Variants in SCUBE1 observed in about 807,000 individuals in gnomAD.
SCUBE1 encodes signal peptide, CUB domain and EGF like domain containing 1.
A neutral mutation model predicts 124.4 loss-of-function variants in SCUBE1; 59 were observed. That is an observed-to-expected ratio of 0.47 (90% CI 0.38 to 0.59). The LOEUF (loss-of-function observed/expected upper bound fraction) is 0.59, where lower values mean the gene tolerates loss of function less well. Among genes scored for constraint, SCUBE1 ranks in the 20% least tolerant of loss-of-function variants. SCUBE1 has a pLI of 0.00. For missense variants in SCUBE1, 1,150 were observed against 1,371.2 expected, an observed-to-expected ratio of 0.84 and a Z score of 2.55; for synonymous variants, 545 against 550.9, an observed-to-expected ratio of 0.99 and a Z score of 0.15.
chr22:43,335,105 C>T (rs550464091), intron 2 of SCUBE1, among the ~76,000 whole-genome samples: 1 of 152,248 alleles, frequency 6.6e-6, no homozygotes, highest in African/African-American at 2.4e-5. Context: ...CAGGAAAGAC[C>T]CTGCCCCCTC....
At chr22:43,299,030 C>T (rs1013306408) in intron 3 of SCUBE1, among the ~76,000 whole-genome samples, 10 of 143,876 alleles carry the variant, frequency 7.0e-5, no homozygotes, top group East Asian at 2.0e-4. Context: ...TGGCCTGGGG[C>T]GACACAGCGA....
chr22:43,281,509 T>TCAGCCACCCTCCTGTCATCTC (rs1924877144), intron 4 of SCUBE1, among the ~76,000 whole-genome samples: 1 of 50,308 alleles, frequency 2.0e-5, no homozygotes, highest in African/African-American at 1.3e-4. Context: ...TGTCACCTCC[T>TCAGCCACCCTCCTGTCATCTC]CCTCAGCCAC....
chr22:43,222,672 G>A lies in SCUBE1; in HGVS notation c.1398C>T (p.Asn466=), dbSNP rs901800463. 82 of 1,602,708 alleles carry A rather than the reference G, an allele frequency of 5.1e-5. No individual in the cohort carries two copies. Among genetic ancestry groups the A allele is most frequent in the Middle Eastern group, 1.7e-4 (1 of 6,038 alleles). The change falls in exon 12 of 22, where the codon AAC becomes AAT. Residue 466 remains asparagine, a synonymous_variant. Coordinates refer to ENST00000360835, the MANE Select transcript of SCUBE1 (RefSeq NM_173050.5). Reference sequence around the variant, plus strand: ...TGGGCCCGAGGCCAGAGCTGGTGCCGTTGCGTTTCTGCAGCGCCTTGCCCT... The same window carrying A: ...TGGGCCCGAGGCCAGAGCTGGTGCCATTGCGTTTCTGCAGCGCCTTGCCCT... ...GPQGKALQKR[N]GTSSGLGPSC...
At chr22:43,263,242 C>T (rs939957096) in intron 4 of SCUBE1, among the ~76,000 whole-genome samples, 14 of 152,108 alleles carry the variant, frequency 9.2e-5, no homozygotes, top group African/African-American at 1.9e-4. Flanking sequence ...ACCCCCCACC[C>T]GCCCAGCAGA....
intron 3 of SCUBE1, among the ~76,000 whole-genome samples, chr22:43,295,220 G>C (rs766460386): frequency 1.1e-4 from 16 of 152,142 alleles, no homozygotes; most frequent in Non-Finnish European, 2.1e-4. Flanking sequence ...AAAGCCCAGT[G>C]CTCAGCCTCC....
intron 4 of SCUBE1, among the ~76,000 whole-genome samples, chr22:43,280,259 A>G (rs1924711807): frequency 6.6e-6 from 1 of 152,056 alleles, no homozygotes; most frequent in Non-Finnish European, 1.5e-5. Flanking sequence ...CACCTTGTCC[A>G]GAGCCACCGA....
At chr22:43,294,178 C>T (rs969690668) in intron 3 of SCUBE1, among the ~76,000 whole-genome samples, 1 of 152,246 alleles carries the variant, frequency 6.6e-6, no homozygotes, top group African/African-American at 2.4e-5. Context: ...CCTTTTCCCA[C>T]TGCGGTCCAA....
chr22:43,222,093 A>G (rs1922114417), intron 12 of SCUBE1, among the ~76,000 whole-genome samples: 1 of 152,108 alleles, frequency 6.6e-6, no homozygotes, highest in Non-Finnish European at 1.5e-5. Context: ...ATAAAGAAAC[A>G]TACAGAAATG....
chr22:43,343,151 C>A (rs1012164597), intron 1 of SCUBE1, 23 bp downstream of exon 1: 39 of 1,136,482 alleles, frequency 3.4e-5, no homozygotes, highest in Middle Eastern at 3.7e-4. Context: ...GCCCGCCGCC[C>A]CCCACCTCGG....
chr22:43,218,178 G>T, intron 15 of SCUBE1, 77 bp downstream of exon 15: 1 of 1,417,988 alleles, frequency 7.1e-7, no homozygotes, highest in South Asian at 1.2e-5. Flanking sequence ...TCACCTGCGT[G>T]CCCACCACTG....
intron 1 of SCUBE1, among the ~76,000 whole-genome samples, chr22:43,339,795 T>C (rs58112049): frequency 0.28 from 2,839 of 10,042 alleles, 203 homozygotes; most frequent in Middle Eastern, 0.5. Context: ...AAGCATTGCT[T>C]CAACCCTCCC....
intron 2 of SCUBE1, among the ~76,000 whole-genome samples, chr22:43,329,123 C>T (rs1926819892): frequency 6.6e-6 from 1 of 152,236 alleles, no homozygotes; most frequent in Non-Finnish European, 1.5e-5. Flanking sequence ...CTGTCCTGGG[C>T]CAGGCCCCTT....
At chr22:43,214,900 GA>G (rs1893014879) in intron 15 of SCUBE1, among the ~76,000 whole-genome samples, 2 of 152,292 alleles carry the variant, frequency 1.3e-5, no homozygotes, top group Admixed American at 1.3e-4. Flanking sequence ...TACAAATGCG[GA>G]AATGGGGAGT....
chr22:43,206,262 CTACA>C (rs1331599196), intron 21 of SCUBE1, among the ~76,000 whole-genome samples: 1 of 149,780 alleles, frequency 6.7e-6, no homozygotes, highest in African/African-American at 2.5e-5. Flanking sequence ...CTACATACCC[CTACA>C]TACACACTAT....
At chr22:43,256,411 G>A (rs989086153) in intron 6 of SCUBE1, among the ~76,000 whole-genome samples, 2 of 152,190 alleles carry the variant, frequency 1.3e-5, no homozygotes, top group South Asian at 2.1e-4. Flanking sequence ...GGAAATATGC[G>A]GAGACATTCG....
Position 43,201,733 on chromosome 22 carries a change from C to T in SCUBE1, c.*2264G>A, listed in dbSNP as rs1393195252. On this transcript the variant is annotated 3_prime_UTR_variant, in exon 22 of 22. Coordinates refer to ENST00000360835, the MANE Select transcript of SCUBE1 (RefSeq NM_173050.5). ...GCCGATCGTGGGACTTGTTGGCCTC[C>T]AGAATCTGTGAGCCAGTTCCCATAA... 6.6e-6 allele frequency: 1 copy of T among 152,184 alleles called. No homozygotes were observed. Among genetic ancestry groups the T allele is most frequent in the Non-Finnish European group, 1.5e-5 (1 of 68,052 alleles). 9.4% of individuals were successfully genotyped at this position (152,184 alleles called of 1,614,324 possible).
rs573748835 is a variant in SCUBE1 at position 43,265,417 on chromosome 22, G to T, written c.485-2572C>A. 3.6e-4 allele frequency among the ~76,000 whole-genome samples: 55 copies of T among 152,346 alleles called. 1 individual carries two copies. The South Asian group carries it at 0.011, about 29-fold the overall frequency. ...GAGCCCCAGGCCCTATCTGTAGTCAGCTGGTCTCAAAGGTCTCTACTTTAC... is the reference window on the plus strand; with the variant it reads ...GAGCCCCAGGCCCTATCTGTAGTCATCTGGTCTCAAAGGTCTCTACTTTAC... On this transcript the variant is annotated intron_variant, in intron 4 of 21. Coordinates refer to ENST00000360835, the MANE Select transcript of SCUBE1 (RefSeq NM_173050.5).
In SCUBE1 at chr22:43,211,207, C is replaced by G. The variant is rs531406260; in HGVS notation, c.2222-124G>C. 2.1e-6 allele frequency: 2 copies of G among 975,086 alleles called. No homozygotes were observed. Among genetic ancestry groups the G allele is most frequent in the South Asian group, 1.6e-5 (1 of 61,702 alleles). The allele number at this position is 975,086 out of a possible 1,614,324, so 60.4% of individuals were successfully genotyped here. On this transcript the variant is annotated intron_variant, in intron 17 of 21. Transcript: ENST00000360835. The surrounding 1 kb of genome is among the most constrained non-coding windows in gnomAD (Gnocchi z 4.5). ...TGTTTTGGCACAGAGTTCAAGGCTCCTCCCCACCGCCCCATGACCTCCCAC... is the reference window on the plus strand; with the variant it reads ...TGTTTTGGCACAGAGTTCAAGGCTCGTCCCCACCGCCCCATGACCTCCCAC...
chr22:43,338,916 G>A (rs1326137113), intron 2 of SCUBE1, among the ~76,000 whole-genome samples, 188 bp downstream of exon 2: 2 of 152,240 alleles, frequency 1.3e-5, no homozygotes, highest in Non-Finnish European at 2.9e-5. Context: ...CCCTTCCAGG[G>A]AAGCAGCCGG....
Sources: gnomAD v4.1 joint callset for allele counts (sites outside exome capture counted in the v4.1 genomes callset) on GRCh38, gnomAD v4.1.1 for gene constraint, Gnocchi (gnomAD v3.1) non-coding constraint, MANE v1.5 for transcripts, NCBI Gene and HGNC (gene_info 2026-07-23, HGNC 2026-07-21) for gene names.